Variants in NCF4 observed in about 807,000 individuals in gnomAD.
NCF4 encodes neutrophil cytosolic factor 4.
Under a neutral mutation model 41.7 loss-of-function variants are expected in NCF4, and 30 were observed. The ratio of observed to expected loss-of-function variants is 0.72; its 90% confidence interval spans 0.54 to 0.97. NCF4 has a LOEUF of 0.97. Ranked by LOEUF, NCF4 falls within the 50% of genes least tolerant of loss-of-function variation. The probability of loss-of-function intolerance (pLI) is 0.00; values close to 1 mark genes in which losing one functional copy is unlikely to be tolerated. For missense variants in NCF4, 432 were observed against 460.9 expected, an observed-to-expected ratio of 0.94 and a Z score of 0.57; for synonymous variants, 195 against 175.8, an observed-to-expected ratio of 1.11 and a Z score of -0.87.
chr22:36,871,631 GC>G lies in NCF4; in HGVS notation c.471-17del, dbSNP rs1040553678. On this transcript the variant is annotated intron_variant, in intron 5 of 9. Transcript: ENST00000248899. ...CCTGAGAGAATCACAGGGCTAACAA[GC>G]CCCTCTTCTCTCTCCACAGCAAGAG... 2.6e-6 allele frequency: 4 copies of G among 1,557,532 alleles called. No homozygotes were observed. Among genetic ancestry groups the G allele is most frequent in the African/African-American group, 2.7e-5 (2 of 73,504 alleles).
At position 36,861,011 on chromosome 22, in the gene NCF4, G is replaced by T; in HGVS notation, c.-161G>T. On this transcript the variant is annotated 5_prime_UTR_variant, in exon 1 of 10. Transcript: ENST00000248899. Reference sequence around the variant, plus strand: ...CTGGAGGAGGAGCCTCTGCCAGACTGGAGAGAAGCAGGCCTGAGCCTCCCC... The same window carrying T: ...CTGGAGGAGGAGCCTCTGCCAGACTTGAGAGAAGCAGGCCTGAGCCTCCCC... The T allele has an allele frequency of 2.2e-6, 2 of 913,092 alleles. No homozygotes were observed. The highest frequency in any genetic ancestry group is 6.5e-4 in the Middle Eastern group (2 of 3,086). The allele number at this position is 913,092 out of a possible 1,614,324, so 56.6% of individuals were successfully genotyped here.
intron 3 of NCF4, 53 bp from the exon 4 acceptor site, chr22:36,867,338 GC>G (rs1481218315): frequency 6.3e-7 from 1 of 1,599,580 alleles, no homozygotes; most frequent in African/African-American, 1.3e-5. Flanking sequence ...GCAGCCCTGA[GC>G]CCCGGGGCCA....
At position 36,865,534 on chromosome 22, in the gene NCF4, GAA is replaced by G. The variant is rs1203976615; in HGVS notation, c.271+463_271+464del. ...TCTCCTTCTTCTCCTGTCCCGCCAG[GAA>G]GCTGGGTGGCCTCAAGCCTCTGCTT... On this transcript the variant is annotated intron_variant, in intron 3 of 9. Coordinates refer to ENST00000248899, the MANE Select transcript of NCF4 (RefSeq NM_000631.5). This position sits in a 1 kb window ranked among gnomAD's most constrained non-coding sequence, Gnocchi z 4.3. Among the ~76,000 whole-genome samples the G allele has an allele frequency of 1.3e-5, 2 of 152,092 alleles. No individual in the cohort carries two copies. The highest frequency in any genetic ancestry group is 2.9e-5 in the Non-Finnish European group (2 of 68,012).
rs563660296 is a variant in NCF4, at chr22:36,862,981, G to A, written c.33-1064G>A. Among the ~76,000 whole-genome samples, 236 of 152,276 alleles carry A rather than the reference G, an allele frequency of 1.5e-3. 1 individual carries two copies. The highest frequency in any genetic ancestry group is 5.2e-3 in the African/African-American group (216 of 41,546). On this transcript the variant is annotated intron_variant, in intron 1 of 9. Transcript: ENST00000248899. ...AGGCTCCAAAGTCTGTGAACTGTGCGAGTGTGTCTTGAGCCAGAACATCCC... is the reference window on the plus strand; with the variant it reads ...AGGCTCCAAAGTCTGTGAACTGTGCAAGTGTGTCTTGAGCCAGAACATCCC...
intron 9 of NCF4, among the ~76,000 whole-genome samples, chr22:36,876,342 G>A (rs1940194128): frequency 6.6e-6 from 1 of 152,110 alleles, no homozygotes. Flanking sequence ...ATCTGCAGCT[G>A]GAGCTAAAGT....
Position 36,877,919 on chromosome 22 carries a change from C to CA in NCF4, c.*96_*97insA. 1 of 1,289,594 alleles carries CA rather than the reference C, an allele frequency of 7.8e-7. No homozygotes were observed. Among genetic ancestry groups the CA allele is most frequent in the Non-Finnish European group, 1.1e-6 (1 of 923,008 alleles). 79.9% of individuals were successfully genotyped at this position (1,289,594 alleles called of 1,614,324 possible). A position where few individuals can be genotyped will look rare whatever the true frequency, so the allele number is the denominator to read the frequency against. ...AGGAAAACCTGGGAGGATGGGCAGA[C>CA]TTCCTGTCTTTGAGGCTAATGGACC... On this transcript the variant is annotated 3_prime_UTR_variant, in exon 10 of 10. Coordinates refer to ENST00000248899, the MANE Select transcript of NCF4 (RefSeq NM_000631.5).
At chr22:36,869,678 G>A (rs886817905) in intron 4 of NCF4, among the ~76,000 whole-genome samples, 2 of 151,970 alleles carry the variant, frequency 1.3e-5, no homozygotes, top group African/African-American at 4.8e-5. Context: ...CTGGGTGCTC[G>A]CGTCCTCACA....
At chr22:36,871,186 C>A (rs1365520538) in intron 5 of NCF4, among the ~76,000 whole-genome samples, 2 of 152,254 alleles carry the variant, frequency 1.3e-5, no homozygotes, top group African/African-American at 2.4e-5. Context: ...CCTGGCATCT[C>A]CCCTGTGCAC....
chr22:36,873,716 G>C (rs4821547), intron 7 of NCF4, among the ~76,000 whole-genome samples: 10,294 of 152,166 alleles, frequency 0.068, 425 homozygotes, highest in Admixed American at 0.14. Flanking sequence ...ATTGACATTG[G>C]GGCCAGATGG....
intron 7 of NCF4, 56 bp from the exon 8 acceptor site, chr22:36,875,597 C>A (rs772646618): frequency 7.6e-5 from 116 of 1,520,040 alleles, no homozygotes; most frequent in Middle Eastern, 3.4e-4. Context: ...GGCTCTGAGG[C>A]GTGGCTCTGC....
At chr22:36,861,675 T>G (rs892516989) in intron 1 of NCF4, among the ~76,000 whole-genome samples, 1 of 152,236 alleles carries the variant, frequency 6.6e-6, no homozygotes, top group Non-Finnish European at 1.5e-5. Flanking sequence ...CTTTGCCCTA[T>G]TTCCCTTTTC....
chr22:36,864,764 C>T (rs187446471), intron 2 of NCF4, among the ~76,000 whole-genome samples, 155 bp from the exon 3 acceptor site: 1 of 151,610 alleles, frequency 6.6e-6, no homozygotes, highest in Non-Finnish European at 1.5e-5. Context: ...GGGGCGCCAG[C>T]CTTTTGACTT....
rs1939765032 is a variant in NCF4, at chr22:36,861,145, A to G, written c.-27A>G. ...TGGGACTGGCTGGGCGAGACTCTCC[A>G]CCTGCTCCCTGGGACCATCGCCCAC... is the stretch of plus-strand genomic sequence containing the variant. On this transcript the variant is annotated 5_prime_UTR_variant, in exon 1 of 10. Coordinates refer to ENST00000248899, the MANE Select transcript of NCF4 (RefSeq NM_000631.5). 2 of 1,551,254 alleles carry G rather than the reference A, an allele frequency of 1.3e-6. No homozygotes were observed. Among genetic ancestry groups the G allele is most frequent in the Admixed American group, 3.9e-5 (2 of 50,980 alleles).
At chr22:36,866,625 G>C (rs913956497) in intron 3 of NCF4, among the ~76,000 whole-genome samples, 1 of 152,008 alleles carries the variant, frequency 6.6e-6, no homozygotes, top group Non-Finnish European at 1.5e-5. Flanking sequence ...TCCTACCGCC[G>C]CCGCCATCAC....
chr22:36,869,999 T>C, intron 4 of NCF4: 1 of 293,978 alleles, frequency 3.4e-6, no homozygotes, highest in Non-Finnish European at 6.7e-6. Context: ...TGTCCCTTGC[T>C]AGGCTTTGTG....
chr22:36,875,860 C>T, intron 8 of NCF4, 77 bp downstream of exon 8: 1 of 1,614,130 alleles, frequency 6.2e-7, no homozygotes, highest in Non-Finnish European at 8.5e-7. Flanking sequence ...ATCACCTTCT[C>T]ATGGGTCCCT....
chr22:36,874,685 TG>T (rs1238425602), intron 7 of NCF4, among the ~76,000 whole-genome samples: 7 of 152,196 alleles, frequency 4.6e-5, no homozygotes, highest in Admixed American at 4.6e-4. Context: ...TTGGTTAATA[TG>T]TTTGTAAAAT....
chr22:36,873,577 G>A (rs541225118), intron 7 of NCF4, among the ~76,000 whole-genome samples: 4 of 152,248 alleles, frequency 2.6e-5, no homozygotes, highest in African/African-American at 4.8e-5. Context: ...GCAGGTGTTC[G>A]GTGGCAGCAG....
intron 1 of NCF4, among the ~76,000 whole-genome samples, chr22:36,861,911 G>A (rs1035251805): frequency 1.3e-5 from 2 of 152,140 alleles, no homozygotes; most frequent in African/African-American, 2.4e-5. Context: ...TCTTTGAGAC[G>A]GAAAAGGTCT....
Sources: allele counts gnomAD v4.1 joint callset (sites outside exome capture counted in the v4.1 genomes callset), GRCh38; gene constraint gnomAD v4.1.1; non-coding constraint Gnocchi (gnomAD v3.1); transcripts MANE v1.5; gene names NCBI Gene and HGNC (gene_info 2026-07-23, HGNC 2026-07-21).